SLC25A26: variants seen among roughly 807,000 people sequenced by gnomAD.
SLC25A26 encodes the protein solute carrier family 25 member 26.
SLC25A26 carries 36 observed loss-of-function variants against 37.8 expected under a neutral mutation model. The observed-to-expected ratio is 0.95, with a 90% confidence interval of 0.73 to 1.26. SLC25A26 has a LOEUF of 1.26. Ranked by LOEUF, SLC25A26 falls within the 50% of genes most tolerant of loss-of-function variation. The pLI, the probability that SLC25A26 is intolerant of heterozygous loss-of-function variation, is 0.00. For synonymous variants in SLC25A26, 129 were observed against 122.5 expected (o/e 1.05, Z -0.35); for missense variants, 390 against 331.1 (o/e 1.18, Z -1.38).
chr3:66,333,212 C>T (rs527870385), intron 5 of SLC25A26, among the ~76,000 whole-genome samples: 42 of 152,214 alleles, frequency 2.8e-4, no homozygotes, highest in Non-Finnish European at 4.9e-4. Context: ...TTTCTTTGGC[C>T]CAAGCAAATA....
At chr3:66,266,107 A>G (rs1191896750) in intron 5 of SLC25A26, among the ~76,000 whole-genome samples, 1 of 152,240 alleles carries the variant, frequency 6.6e-6, no homozygotes, top group African/African-American at 2.4e-5. Context: ...GACTTTGTTT[A>G]CTCAAAATGG....
intron 1 of SLC25A26, among the ~76,000 whole-genome samples, chr3:66,178,104 G>A (rs2070623660): frequency 6.6e-6 from 1 of 152,142 alleles, no homozygotes; most frequent in Admixed American, 6.5e-5. Flanking sequence ...AGGAAGCAGG[G>A]CAGCACTACT....
At chr3:66,228,319 C>CT (rs2071854296) in intron 1 of SLC25A26, among the ~76,000 whole-genome samples, 2 of 152,142 alleles carry the variant, frequency 1.3e-5, no homozygotes, top group Admixed American at 1.3e-4. Context: ...GAAAGGCATA[C>CT]TTGGAAAGTT....
chr3:66,208,293 C>A (rs1012221887), intron 1 of SLC25A26, among the ~76,000 whole-genome samples: 1 of 151,976 alleles, frequency 6.6e-6, no homozygotes, highest in African/African-American at 2.4e-5. Flanking sequence ...TTATTGCCAA[C>A]TGGATCACAA....
intron 5 of SLC25A26, among the ~76,000 whole-genome samples, chr3:66,337,705 A>C (rs1575584503): frequency 6.6e-6 from 1 of 152,198 alleles, no homozygotes; most frequent in East Asian, 1.9e-4. Flanking sequence ...ATGCAAATGT[A>C]GTCATGCTTT....
intron 5 of SLC25A26, among the ~76,000 whole-genome samples, chr3:66,340,126 A>G (rs561622650): frequency 6.6e-6 from 1 of 152,148 alleles, no homozygotes; most frequent in East Asian, 1.9e-4. Context: ...TTCGCTGTTG[A>G]ATGGTCTGGC....
chr3:66,307,589 C>T (rs922356504), intron 5 of SLC25A26, among the ~76,000 whole-genome samples: 1 of 152,136 alleles, frequency 6.6e-6, no homozygotes, highest in South Asian at 2.1e-4. Flanking sequence ...ATGCCTACGT[C>T]CTGAATGGTA....
intron 1 of SLC25A26, among the ~76,000 whole-genome samples, chr3:66,192,098 C>T (rs944510817): frequency 2.7e-4 from 41 of 151,576 alleles, no homozygotes; most frequent in South Asian, 1.5e-3. Flanking sequence ...AGGCAGATCA[C>T]GAGGTCAGGA....
intron 1 of SLC25A26, among the ~76,000 whole-genome samples, chr3:66,158,840 T>C (rs1179861424): frequency 6.6e-6 from 1 of 152,002 alleles, no homozygotes; most frequent in Non-Finnish European, 1.5e-5. Context: ...AGAGAGGAGA[T>C]ATAGTAAAGC....
At chr3:66,271,707 A>G (rs2073964096) in intron 5 of SLC25A26, among the ~76,000 whole-genome samples, 1 of 152,048 alleles carries the variant, frequency 6.6e-6, no homozygotes, top group African/African-American at 2.4e-5. Context: ...TGTCCCTTCA[A>G]ACCCTTCCAG....
chr3:66,373,321 G>A (rs911783040), intron 9 of SLC25A26, among the ~76,000 whole-genome samples: 4 of 152,182 alleles, frequency 2.6e-5, no homozygotes, highest in African/African-American at 9.7e-5. Context: ...GAGACTGGCT[G>A]GGGCCCTCAC....
At chr3:66,325,696 A>G (rs2107660237) in intron 5 of SLC25A26, among the ~76,000 whole-genome samples, 1 of 152,286 alleles carries the variant, frequency 6.6e-6, no homozygotes. Flanking sequence ...CCCCGGAGAT[A>G]AGGCCAGTGT....
intron 1 of SLC25A26, among the ~76,000 whole-genome samples, chr3:66,204,992 TCTG>T (rs2071158813): frequency 6.6e-6 from 1 of 152,214 alleles, no homozygotes; most frequent in South Asian, 2.1e-4. Flanking sequence ...GAAAACAGAT[TCTG>T]CTGATTCCAT....
intron 5 of SLC25A26, among the ~76,000 whole-genome samples, chr3:66,319,060 A>G (rs1342200535): frequency 6.6e-6 from 1 of 152,236 alleles, no homozygotes; most frequent in Non-Finnish European, 1.5e-5. Flanking sequence ...TTAAGGCTAT[A>G]GAACAAACAG....
chr3:66,348,402 A>G (rs2076376376), intron 6 of SLC25A26, among the ~76,000 whole-genome samples: 1 of 152,216 alleles, frequency 6.6e-6, no homozygotes. Flanking sequence ...GTTGCAATGT[A>G]AAATGTATTT....
At chr3:66,321,954 G>A (rs1359186834) in intron 5 of SLC25A26, among the ~76,000 whole-genome samples, 1 of 151,994 alleles carries the variant, frequency 6.6e-6, no homozygotes, top group Non-Finnish European at 1.5e-5. Context: ...CCTTTTATAT[G>A]GAACTCTCTC....
chr3:66,169,432 T>C (rs995096146), intron 1 of SLC25A26, among the ~76,000 whole-genome samples: 6 of 152,238 alleles, frequency 3.9e-5, no homozygotes, highest in African/African-American at 1.4e-4. Context: ...TGCTTCACAC[T>C]GTTGACTCCG....
At chr3:66,344,170 A>T (rs2076269784) in intron 5 of SLC25A26, among the ~76,000 whole-genome samples, 1 of 152,202 alleles carries the variant, frequency 6.6e-6, no homozygotes, top group African/African-American at 2.4e-5. Flanking sequence ...AAGACAGATG[A>T]TGCTAATCTT....
chr3:66,348,040 T>C (rs2076366975), intron 6 of SLC25A26, among the ~76,000 whole-genome samples: 2 of 152,154 alleles, frequency 1.3e-5, no homozygotes, highest in Non-Finnish European at 2.9e-5. Context: ...AATACTTAGC[T>C]GATGGGTTGA....
Sources: gnomAD v4.1 joint callset for allele counts (sites outside exome capture counted in the v4.1 genomes callset) on GRCh38, gnomAD v4.1.1 for gene constraint, MANE v1.5 for transcripts, NCBI Gene and HGNC (gene_info 2026-07-23, HGNC 2026-07-21) for gene names.